The following ZNF536 variants were observed in gnomAD, a reference collection of about 807,000 sequenced individuals.
The protein encoded by ZNF536 is zinc finger protein 536.
Under a neutral mutation model 84.5 loss-of-function variants are expected in ZNF536, and 13 were observed. The ratio of observed to expected loss-of-function variants is 0.15; its 90% CI spans 0.10 to 0.24. The LOEUF is 0.24. Among genes scored for constraint, ZNF536 ranks in the 10% least tolerant of loss-of-function variants. ZNF536 has a pLI of 1.00. For missense variants in ZNF536, 1,536 were observed against 1,747.5 expected, an observed-to-expected ratio of 0.88 and a Z score of 2.16; for synonymous variants, 811 against 742.5, an observed-to-expected ratio of 1.09 and a Z score of -1.50.
At chr19:30,596,769 T>C (rs1195683293) in intron 1 of ZNF536, among the ~76,000 whole-genome samples, 1 of 151,680 alleles carries the variant, frequency 6.6e-6, no homozygotes, top group African/African-American at 2.4e-5. Context: ...AGTGTGTGTG[T>C]GTGTGGGAGG....
Position 30,435,756 on chromosome 19 carries a change from G to T in ZNF536, c.-2-7805G>T, listed in dbSNP as rs888924535. Among the ~76,000 whole-genome samples, 3 of 152,222 alleles carry T rather than the reference G, an allele frequency of 2.0e-5. No homozygotes were observed. In the South Asian group the frequency reaches 6.2e-4, roughly 32 times the overall value. On this transcript the variant is annotated intron_variant, in intron 1 of 4. Coordinates refer to ENST00000355537, the MANE Select transcript of ZNF536 (RefSeq NM_014717.3). ...TGGTATAGGCAGAAGGTGACCCAGG[G>T]ATCCAGACCAGAAGTCTTCTCTACT...
intron 1 of ZNF536, among the ~76,000 whole-genome samples, chr19:30,414,408 T>G (rs966930386): frequency 6.6e-6 from 1 of 152,228 alleles, no homozygotes; most frequent in Non-Finnish European, 1.5e-5. Flanking sequence ...GCTATCGTTT[T>G]TATGTTGTCT....
intron 1 of ZNF536, among the ~76,000 whole-genome samples, chr19:30,663,535 T>G (rs1459268611): frequency 6.6e-6 from 1 of 152,232 alleles, no homozygotes; most frequent in Non-Finnish European, 1.5e-5. Context: ...ATTCAGGAGT[T>G]GCTAAATTTC....
chr19:30,614,735 T>C (rs2048220990), intron 1 of ZNF536, among the ~76,000 whole-genome samples: 1 of 151,828 alleles, frequency 6.6e-6, no homozygotes, highest in East Asian at 1.9e-4. Context: ...TTATTATATA[T>C]TAAGGAAATT....
intron 1 of ZNF536, among the ~76,000 whole-genome samples, chr19:30,571,018 C>G (rs968084982): frequency 6.6e-6 from 1 of 152,204 alleles, no homozygotes; most frequent in Non-Finnish European, 1.5e-5. Context: ...GTGGGCCTCA[C>G]GCAGGGCCTG....
In ZNF536 at chr19:30,600,926, T is replaced by A. The variant is rs1301370614; in HGVS notation, c.169+51412T>A. Among the ~76,000 whole-genome samples the A allele has an allele frequency of 3.9e-5, 6 of 152,234 alleles. 1 individual carries two copies. Among genetic ancestry groups the A allele is most frequent in the African/African-American group, 9.6e-5 (4 of 41,466 alleles). On this transcript the variant is annotated intron_variant, in intron 1 of 1. Coordinates refer to the ZNF536 transcript ENST00000592773. ...GATTCCTGGAAAAGTGAACGCTTGT[T>A]TTATTCGTTGTTTTTGTTGTTAATT...
chr19:30,666,152 G>C (rs1171329124), intron 1 of ZNF536, among the ~76,000 whole-genome samples: 2 of 152,228 alleles, frequency 1.3e-5, no homozygotes, highest in Non-Finnish European at 2.9e-5. Flanking sequence ...AGACATGCGT[G>C]TGCATGCTCG....
chr19:30,547,883 C>G (rs1568538879), intron 3 of ZNF536, 60 bp from the exon 4 acceptor site: 1 of 1,503,372 alleles, frequency 6.7e-7, no homozygotes, highest in South Asian at 1.4e-5. Flanking sequence ...CTTCCAGCCT[C>G]GTTCAGCACA....
At chr19:30,451,992 C>T (rs1399571404) in intron 2 of ZNF536, among the ~76,000 whole-genome samples, 1 of 152,236 alleles carries the variant, frequency 6.6e-6, no homozygotes, top group Non-Finnish European at 1.5e-5. Flanking sequence ...TTTCCATTGA[C>T]TCGAATGGGA....
At chr19:30,620,861 C>T (rs1417238089) in intron 1 of ZNF536, among the ~76,000 whole-genome samples, 1 of 151,486 alleles carries the variant, frequency 6.6e-6, no homozygotes, top group Admixed American at 6.6e-5. Context: ...ATGTGCTACC[C>T]CAATTCTGGC....
At chr19:30,236,078 A>C (rs986130266) in intron 1 of ZNF536, among the ~76,000 whole-genome samples, 1 of 152,120 alleles carries the variant, frequency 6.6e-6, no homozygotes, top group African/African-American at 2.4e-5. Context: ...AGAGTTCAAA[A>C]GGTGGAAAAG....
chr19:30,363,454 C>A (rs994789198), intron 3 of ZNF536, among the ~76,000 whole-genome samples: 1 of 152,012 alleles, frequency 6.6e-6, no homozygotes, highest in Non-Finnish European at 1.5e-5. Flanking sequence ...AAGGTGCGCA[C>A]TTTTTCAGTA....
At chr19:30,259,587 G>T (rs1446923913) in intron 1 of ZNF536, among the ~76,000 whole-genome samples, 1 of 152,170 alleles carries the variant, frequency 6.6e-6, no homozygotes, top group Non-Finnish European at 1.5e-5. Context: ...TTATAAAATG[G>T]CAGTGGCTTT....
intron 2 of ZNF536, among the ~76,000 whole-genome samples, chr19:30,449,380 T>C: frequency 6.6e-6 from 1 of 152,238 alleles, no homozygotes; most frequent in Non-Finnish European, 1.5e-5. Flanking sequence ...GCATTAATCT[T>C]TGCATCTTTC....
At chr19:30,376,094 G>A (rs2147100005) in intron 1 of ZNF536, among the ~76,000 whole-genome samples, 1 of 152,186 alleles carries the variant, frequency 6.6e-6, no homozygotes, top group South Asian at 2.1e-4. Context: ...TGAGGGTGGG[G>A]ACAGCTGCTG....
chr19:30,581,421 G>A (rs1287551114), intron 1 of ZNF536, among the ~76,000 whole-genome samples: 1 of 152,206 alleles, frequency 6.6e-6, no homozygotes, highest in Non-Finnish European at 1.5e-5. Flanking sequence ...AGGTTGCAGT[G>A]AGCTGAGATT....
chr19:30,406,304 G>T (rs749599362), intron 1 of ZNF536, among the ~76,000 whole-genome samples: 1 of 152,176 alleles, frequency 6.6e-6, no homozygotes, highest in Non-Finnish European at 1.5e-5. Context: ...AGTGGGAGAC[G>T]AGAGAGCGGA....
At chr19:30,410,714 G>A (rs896123230) in intron 1 of ZNF536, among the ~76,000 whole-genome samples, 19 of 151,856 alleles carry the variant, frequency 1.3e-4, no homozygotes, top group African/African-American at 4.6e-4. Flanking sequence ...TCCTGACCTC[G>A]TGATCCGCCC....
intron 2 of ZNF536, among the ~76,000 whole-genome samples, chr19:30,514,051 T>A (rs946949194): frequency 9.9e-5 from 15 of 152,146 alleles, no homozygotes; most frequent in African/African-American, 3.6e-4. Context: ...GCGAGCCAGG[T>A]CCTGTTTCTA....
Sources: gnomAD v4.1 joint callset for allele counts (sites outside exome capture counted in the v4.1 genomes callset) on GRCh38, gnomAD v4.1.1 for gene constraint, MANE v1.5 for transcripts, NCBI Gene and HGNC (gene_info 2026-07-23, HGNC 2026-07-21) for gene names.